Variants in TSPAN18 observed in about 807,000 individuals in gnomAD.
TSPAN18 encodes tetraspanin-18.
TSPAN18 carries 14 observed loss-of-function variants against 27.3 expected under a neutral mutation model. The ratio of observed to expected loss-of-function variants is 0.51; its 90% CI spans 0.34 to 0.80. TSPAN18 has a LOEUF of 0.80. Among genes scored for constraint, TSPAN18 ranks in the 30% least tolerant of loss-of-function variants. The pLI is 0.01. For missense variants in TSPAN18, 268 were observed against 323.9 expected (o/e 0.83, Z 1.32); for synonymous variants, 143 against 136.5 (o/e 1.05, Z -0.33).
chr11:44,824,071 G>A (rs1017148906), intron 2 of TSPAN18, among the ~76,000 whole-genome samples: 16 of 152,162 alleles, frequency 1.1e-4, no homozygotes, highest in East Asian at 7.7e-4. Flanking sequence ...TCCTGCTGTC[G>A]GGGTCTTCCC....
At chr11:44,856,026 G>A (rs1344293378) in intron 2 of TSPAN18, among the ~76,000 whole-genome samples, 1 of 151,762 alleles carries the variant, frequency 6.6e-6, no homozygotes, top group Non-Finnish European at 1.5e-5. Context: ...GGGACTACCA[G>A]TTGTGTACCA....
chr11:44,822,550 C>T (rs1422993703), intron 2 of TSPAN18, among the ~76,000 whole-genome samples: 1 of 151,516 alleles, frequency 6.6e-6, no homozygotes. Flanking sequence ...GCGTCACTTC[C>T]ACTATCATTG....
At chr11:44,743,717 C>T (rs913882602) in intron 1 of TSPAN18, among the ~76,000 whole-genome samples, 5 of 152,340 alleles carry the variant, frequency 3.3e-5, no homozygotes, top group East Asian at 1.9e-4. Flanking sequence ...GCAGCCCTTT[C>T]GGGAGTTTCT....
chr11:44,836,576 A>C (rs997894765), intron 2 of TSPAN18, among the ~76,000 whole-genome samples: 3 of 152,234 alleles, frequency 2.0e-5, no homozygotes, highest in Non-Finnish European at 4.4e-5. Flanking sequence ...CGGCGATACA[A>C]AACAACAGAT....
rs138846641 is a variant in TSPAN18, at chr11:44,838,142, C to T, written c.-152-22186C>T. 1.3e-3 allele frequency among the ~76,000 whole-genome samples: 193 copies of T among 152,274 alleles called. 2 individuals are homozygous for T. The highest frequency in any genetic ancestry group is 4.2e-3 in the African/African-American group (176 of 41,550). ...CATGGCATATTAGTCTATTCTCAAG[C>T]TGCTAATAAAGATATGCCCGAGACT... On this transcript the variant is annotated intron_variant, in intron 2 of 9. Coordinates refer to ENST00000520358, the MANE Select transcript of TSPAN18 (RefSeq NM_130783.5).
chr11:44,820,959 T>C (rs1014948925), intron 2 of TSPAN18, among the ~76,000 whole-genome samples: 1 of 152,228 alleles, frequency 6.6e-6, no homozygotes, highest in Non-Finnish European at 1.5e-5. Context: ...GTGCCATGCT[T>C]GTACAGCCTG....
intron 3 of TSPAN18, among the ~76,000 whole-genome samples, chr11:44,869,813 C>G (rs1858142571): frequency 6.6e-6 from 1 of 152,214 alleles, no homozygotes; most frequent in African/African-American, 2.4e-5. Flanking sequence ...GCCCACCCTC[C>G]TCACATTATC....
chr11:44,788,654 GGC>G (rs1377715862), intron 2 of TSPAN18, among the ~76,000 whole-genome samples: 1 of 151,928 alleles, frequency 6.6e-6, no homozygotes, highest in Non-Finnish European at 1.5e-5. Context: ...TCACCATGTT[GGC>G]CAGGATGGTC....
chr11:44,763,774 GC>G (rs1855504648), intron 1 of TSPAN18, among the ~76,000 whole-genome samples: 1 of 152,110 alleles, frequency 6.6e-6, no homozygotes, highest in Admixed American at 6.5e-5. Flanking sequence ...TTGAAAATAT[GC>G]CCCCATTCAC....
chr11:44,871,989 T>C (rs1213255215), intron 3 of TSPAN18, among the ~76,000 whole-genome samples: 1 of 152,148 alleles, frequency 6.6e-6, no homozygotes, highest in Non-Finnish European at 1.5e-5. Flanking sequence ...AGTGACACAA[T>C]CTCGGCTCAC....
At chr11:44,883,460 C>T (rs1046961282) in intron 3 of TSPAN18, among the ~76,000 whole-genome samples, 2 of 152,180 alleles carry the variant, frequency 1.3e-5, no homozygotes, top group South Asian at 2.1e-4. Flanking sequence ...GTGTTTCATG[C>T]GGTGTGGTCT....
At chr11:44,854,327 G>A (rs1857681462) in intron 2 of TSPAN18, among the ~76,000 whole-genome samples, 1 of 152,058 alleles carries the variant, frequency 6.6e-6, no homozygotes, top group Non-Finnish European at 1.5e-5. Context: ...ACACCGGGAG[G>A]AACTGACCTA....
chr11:44,908,198 C>T (rs575473059), intron 4 of TSPAN18, among the ~76,000 whole-genome samples: 8 of 152,248 alleles, frequency 5.3e-5, no homozygotes, highest in Non-Finnish European at 1.0e-4. Flanking sequence ...GCCCTAAGGT[C>T]GCCTACAAAT....
intron 1 of TSPAN18, among the ~76,000 whole-genome samples, chr11:44,731,886 G>T (rs1854670068): frequency 6.6e-6 from 1 of 152,052 alleles, no homozygotes; most frequent in Non-Finnish European, 1.5e-5. Context: ...TCCACCCTTT[G>T]TTTCCCACCC....
chr11:44,766,524 TCTC>T (rs61267647), intron 2 of TSPAN18, among the ~76,000 whole-genome samples: 61,286 of 151,944 alleles, frequency 0.4, 14,167 homozygotes, highest in Non-Finnish European at 0.51. Flanking sequence ...GGACCTTTCT[TCTC>T]AGGGACGTTT....
chr11:44,746,452 C>CCCACACCAAAATATTGTTTTG (rs1357654749), intron 1 of TSPAN18, among the ~76,000 whole-genome samples: 1 of 152,166 alleles, frequency 6.6e-6, no homozygotes, highest in Admixed American at 6.5e-5. Flanking sequence ...GAGTGTAGTA[C>CCCACACCAAAATATTGTTTTG]CCACACCAAA....
chr11:44,784,407 T>G (rs1373302351), intron 2 of TSPAN18, among the ~76,000 whole-genome samples: 1 of 152,200 alleles, frequency 6.6e-6, no homozygotes, highest in Non-Finnish European at 1.5e-5. Flanking sequence ...CTCTTGTCTT[T>G]ACCACAGTCA....
At chr11:44,770,656 A>G (rs1011410059) in intron 2 of TSPAN18, among the ~76,000 whole-genome samples, 1 of 152,202 alleles carries the variant, frequency 6.6e-6, no homozygotes, top group African/African-American at 2.4e-5. Flanking sequence ...ATATTTTACT[A>G]AGATCACTCT....
intron 1 of TSPAN18, among the ~76,000 whole-genome samples, chr11:44,748,707 TTCC>T (rs1855139787): frequency 6.6e-6 from 1 of 152,160 alleles, no homozygotes; most frequent in Admixed American, 6.5e-5. Context: ...TTCTTCTCAT[TTCC>T]TCCTCATGCA....
Sources: gnomAD v4.1 joint callset for allele counts (sites outside exome capture counted in the v4.1 genomes callset) on GRCh38, gnomAD v4.1.1 for gene constraint, MANE v1.5 for transcripts, NCBI Gene and HGNC (gene_info 2026-07-23, HGNC 2026-07-21) for gene names.